Variants in GRIN2A observed in about 807,000 individuals in gnomAD.
GRIN2A encodes glutamate ionotropic receptor NMDA type subunit 2A.
In GRIN2A, 22 loss-of-function variants were observed where a neutral mutation model predicts 113.4. The ratio of observed to expected loss-of-function variants is 0.19; its 90% CI spans 0.14 to 0.28. The LOEUF is 0.28. Ranked by LOEUF, GRIN2A falls within the 10% of genes least tolerant of loss-of-function variation. The pLI is 1.00. For missense variants in GRIN2A, 1,502 were observed against 1,887.0 expected, an observed-to-expected ratio of 0.80 and a Z score of 3.78; for synonymous variants, 827 against 738.4, an observed-to-expected ratio of 1.12 and a Z score of -1.94.
chr16:10,042,755 G>A (rs28588405), intron 2 of GRIN2A, among the ~76,000 whole-genome samples: 3,926 of 152,236 alleles, frequency 0.026, 186 homozygotes, highest in African/African-American at 0.091. Context: ...GATGGAGGCG[G>A]CATGGGGAAA....
chr16:10,031,559 G>A (rs943568194), intron 2 of GRIN2A: 1 of 152,264 alleles, frequency 6.6e-6, no homozygotes, highest in Middle Eastern at 3.2e-3. Context: ...ACCCAGCAGA[G>A]AGCCCGTAGA....
At chr16:10,105,557 T>C (rs1484761007) in intron 2 of GRIN2A, among the ~76,000 whole-genome samples, 1 of 152,020 alleles carries the variant, frequency 6.6e-6, no homozygotes, top group Non-Finnish European at 1.5e-5. Flanking sequence ...ATGACAGCGA[T>C]TTGGAAGCCC....
intron 3 of GRIN2A, among the ~76,000 whole-genome samples, chr16:9,917,979 C>G (rs1447810126): frequency 6.6e-6 from 1 of 152,066 alleles, no homozygotes; most frequent in East Asian, 1.9e-4. Flanking sequence ...ATTTTTTGTT[C>G]TATTTTCCTT....
chr16:9,820,523 A>C (rs1334648641), intron 10 of GRIN2A, among the ~76,000 whole-genome samples: 1 of 152,234 alleles, frequency 6.6e-6, no homozygotes, highest in African/African-American at 2.4e-5. Flanking sequence ...GACATTACCC[A>C]AATGTCCATC....
chr16:9,993,470 C>G (rs942277960), intron 2 of GRIN2A, among the ~76,000 whole-genome samples: 3 of 152,120 alleles, frequency 2.0e-5, no homozygotes, highest in Non-Finnish European at 4.4e-5. Context: ...GCAGGAGGAT[C>G]ACTGTAGCCC....
chr16:10,179,099 T>A (rs538559071), intron 2 of GRIN2A, among the ~76,000 whole-genome samples: 1 of 152,256 alleles, frequency 6.6e-6, no homozygotes, highest in East Asian at 1.9e-4. Context: ...CGCCTTCAAA[T>A]CTTCAAATCT....
intron 2 of GRIN2A, among the ~76,000 whole-genome samples, chr16:10,102,896 G>A (rs1195937033): frequency 6.6e-6 from 1 of 152,088 alleles, no homozygotes; most frequent in African/African-American, 2.4e-5. Context: ...CTTGCACTGG[G>A]GCACTCTTGC....
chr16:10,116,929 G>A (rs936590508), intron 2 of GRIN2A, among the ~76,000 whole-genome samples: 1 of 152,128 alleles, frequency 6.6e-6, no homozygotes, highest in African/African-American at 2.4e-5. Flanking sequence ...AGATGCCTGT[G>A]CTTGAGGTGA....
Position 10,180,143 on chromosome 16 carries a change from A to G in GRIN2A, c.269T>C (p.Met90Thr), listed in dbSNP as rs933535128. Residue 90 changes from methionine (M) to threonine (T), a missense_variant, in exon 2 of 13, where the codon ATG (methionine) becomes ACG (threonine). This residue lies in a region of GRIN2A where 149 missense variants were observed against 179.1 expected (regional missense o/e 0.83). Coordinates refer to ENST00000330684, the MANE Select transcript of GRIN2A (RefSeq NM_001134407.3). This position sits in a 1 kb window ranked among gnomAD's most constrained non-coding sequence, Gnocchi z 7.0. ...KSLITHVCDL[M>T]SGARIHGLVF... Reference sequence around the variant, plus strand: ...GAGGCCGTGGATGCGTGCCCCGGACATGAGGTCGCACACGTGCGTGATGAG... The same window carrying G: ...GAGGCCGTGGATGCGTGCCCCGGACGTGAGGTCGCACACGTGCGTGATGAG... The G allele has an allele frequency of 1.9e-6, 3 of 1,614,076 alleles. No homozygotes were observed. The highest frequency in any genetic ancestry group is 1.3e-5 in the African/African-American group (1 of 74,946).
intron 2 of GRIN2A, among the ~76,000 whole-genome samples, chr16:10,151,660 C>T (rs1414121523): frequency 6.6e-6 from 1 of 152,064 alleles, no homozygotes; most frequent in Non-Finnish European, 1.5e-5. Context: ...TAAAAGTTTC[C>T]TCTCATTTTT....
At chr16:10,105,491 T>TA (rs5815559) in intron 2 of GRIN2A, among the ~76,000 whole-genome samples, 23,483 of 147,692 alleles carry the variant, frequency 0.16, 2,359 homozygotes, top group East Asian at 0.36. Context: ...GAAAACCATG[T>TA]AAAAAAAAAA....
chr16:9,876,794 AATGG>A (rs892428875), intron 4 of GRIN2A, among the ~76,000 whole-genome samples: 6 of 152,098 alleles, frequency 3.9e-5, no homozygotes, highest in South Asian at 2.1e-4. Flanking sequence ...TGGGCTGATG[AATGG>A]ATGGATGGTT....
chr16:9,924,557 G>C (rs998241141), intron 3 of GRIN2A, among the ~76,000 whole-genome samples: 18 of 152,100 alleles, frequency 1.2e-4, no homozygotes, highest in East Asian at 5.8e-4. Context: ...CTCATTCTCA[G>C]GATTTAAGTT....
chr16:10,110,203 C>T (rs530676523), intron 2 of GRIN2A, among the ~76,000 whole-genome samples: 74 of 152,262 alleles, frequency 4.9e-4, no homozygotes, highest in Non-Finnish European at 1.2e-4. Context: ...AAGGGAGTGG[C>T]ACACGCAGAG....
rs1174647995 is a variant in GRIN2A at position 9,976,954 on chromosome 16, A to G, written c.415-38403T>C. 2.0e-5 allele frequency among the ~76,000 whole-genome samples: 3 copies of G among 152,200 alleles called. No homozygotes were observed. In the East Asian group the frequency reaches 5.8e-4, roughly 29 times the overall value. Reference sequence around the variant, plus strand: ...GCATGTGTTCAGTTCACTGCTGTAAATAAGATTCACTGGAGACCTGAAACA... The same window carrying G: ...GCATGTGTTCAGTTCACTGCTGTAAGTAAGATTCACTGGAGACCTGAAACA... On this transcript the variant is annotated intron_variant, in intron 2 of 12. Coordinates refer to ENST00000330684, the MANE Select transcript of GRIN2A (RefSeq NM_001134407.3).
chr16:10,039,870 G>A (rs879454732), intron 2 of GRIN2A, among the ~76,000 whole-genome samples: 18 of 140,062 alleles, frequency 1.3e-4, no homozygotes, highest in African/African-American at 4.3e-4. Flanking sequence ...GGAGGGGTGC[G>A]GCAGCCACAC....
chr16:10,014,241 C>A (rs1335126043), intron 2 of GRIN2A, among the ~76,000 whole-genome samples: 1 of 152,152 alleles, frequency 6.6e-6, no homozygotes, highest in Non-Finnish European at 1.5e-5. Flanking sequence ...TGGCTGGATA[C>A]CTTCCCCTTC....
At chr16:9,981,616 TTTACAAATATC>T (rs2045893558) in intron 2 of GRIN2A, among the ~76,000 whole-genome samples, 1 of 152,190 alleles carries the variant, frequency 6.6e-6, no homozygotes, top group Non-Finnish European at 1.5e-5. Context: ...AGGACTCCTT[TTTACAAATATC>T]ATCACAATAC....
At chr16:9,890,818 A>T (rs2043678356) in intron 4 of GRIN2A, among the ~76,000 whole-genome samples, 168 bp downstream of exon 4, 1 of 152,170 alleles carries the variant, frequency 6.6e-6, no homozygotes, top group African/African-American at 2.4e-5. Context: ...TTCCAATTGC[A>T]CCTTACAGAT....
Sources: allele counts gnomAD v4.1 joint callset (sites outside exome capture counted in the v4.1 genomes callset), GRCh38; gene constraint gnomAD v4.1.1; regional missense constraint gnomAD v4.1.1; non-coding constraint Gnocchi (gnomAD v3.1); transcripts MANE v1.5; gene names NCBI Gene and HGNC (gene_info 2026-07-23, HGNC 2026-07-21).